LINGO2: variants seen among roughly 807,000 people sequenced by gnomAD.
The protein encoded by LINGO2 is leucine rich repeat and Ig domain containing 2, also known as leucine-rich repeat and immunoglobulin-like domain-containing nogo receptor-interacting protein 2.
In LINGO2, 14 loss-of-function variants were observed where a neutral mutation model predicts 30.6. The observed-to-expected ratio is 0.46, with a 90% CI of 0.30 to 0.72. The LOEUF (loss-of-function observed/expected upper bound fraction) is 0.72. Ranked by LOEUF, LINGO2 falls within the 30% of genes least tolerant of loss-of-function variation. LINGO2 has a pLI of 0.07. For missense variants in LINGO2, 729 were observed against 751.7 expected (o/e 0.97, Z 0.35); for synonymous variants, 317 against 288.5 (o/e 1.10, Z -1.00).
At chr9:28,122,750 C>G (rs1040259553) in intron 4 of LINGO2, among the ~76,000 whole-genome samples, 36 of 152,068 alleles carry the variant, frequency 2.4e-4, no homozygotes, top group African/African-American at 8.0e-4. Context: ...TCAAAAGAAC[C>G]ACAAGTTATG....
the LINGO2 span, among the ~76,000 whole-genome samples, chr9:29,202,082 G>C: frequency 1.3e-5 from 2 of 151,926 alleles, no homozygotes; most frequent in African/African-American, 2.4e-5. Flanking sequence ...TATTTAGTAA[G>C]AACTAGGTCC....
chr9:28,808,329 T>C, the LINGO2 span, among the ~76,000 whole-genome samples: 1 of 152,220 alleles, frequency 6.6e-6, no homozygotes, highest in Non-Finnish European at 1.5e-5. Flanking sequence ...CTGATTTCAT[T>C]GCCCTGAATT....
At chr9:29,179,573 T>A in the LINGO2 span, among the ~76,000 whole-genome samples, 2 of 151,940 alleles carry the variant, frequency 1.3e-5, no homozygotes, top group Non-Finnish European at 2.9e-5. Context: ...TCTGGCTAAA[T>A]TTTGTATTTT....
chr9:28,863,697 C>T, the LINGO2 span: 88 of 527,880 alleles, frequency 1.7e-4, 3 homozygotes, highest in Middle Eastern at 1.6e-3. Flanking sequence ...AAGAAATCCA[C>T]AGCACTTCAC....
chr9:29,200,230 A>ACT, the LINGO2 span, among the ~76,000 whole-genome samples: 1 of 152,028 alleles, frequency 6.6e-6, no homozygotes, highest in African/African-American at 2.4e-5. Flanking sequence ...ATCTGATTAG[A>ACT]CTCTGTAACA....
intron 4 of LINGO2, among the ~76,000 whole-genome samples, chr9:28,132,197 T>C (rs750250793): frequency 1.3e-5 from 2 of 152,220 alleles, no homozygotes; most frequent in African/African-American, 4.8e-5. Flanking sequence ...ATGTTCTATG[T>C]CGTCTATGTT....
chr9:28,889,161 G>T, the LINGO2 span, among the ~76,000 whole-genome samples: 1 of 152,070 alleles, frequency 6.6e-6, no homozygotes, highest in Non-Finnish European at 1.5e-5. Context: ...CATCCCTTAA[G>T]CAGGTCACTG....
At chr9:27,985,869 G>C (rs934337976) in intron 5 of LINGO2, among the ~76,000 whole-genome samples, 2 of 151,816 alleles carry the variant, frequency 1.3e-5, no homozygotes, top group African/African-American at 4.8e-5. Flanking sequence ...GTGAGAGGTT[G>C]ATGGTAAAAT....
the LINGO2 span, among the ~76,000 whole-genome samples, chr9:29,147,816 A>G: frequency 6.6e-6 from 1 of 152,114 alleles, no homozygotes; most frequent in Non-Finnish European, 1.5e-5. Flanking sequence ...TATTGAAACC[A>G]CTACAAATTA....
chr9:28,789,759 A>C, the LINGO2 span, among the ~76,000 whole-genome samples: 9 of 152,190 alleles, frequency 5.9e-5, no homozygotes, highest in African/African-American at 2.2e-4. Flanking sequence ...GAAAGCATCC[A>C]TGTTCCTTGA....
chr9:28,613,989 C>A (rs1826030047), intron 1 of LINGO2, among the ~76,000 whole-genome samples: 1 of 152,004 alleles, frequency 6.6e-6, no homozygotes, highest in Non-Finnish European at 1.5e-5. Context: ...TAAAATTATT[C>A]TCAGCTCATG....
intron 5 of LINGO2, among the ~76,000 whole-genome samples, chr9:28,003,254 A>G (rs137961105): frequency 1.4e-3 from 211 of 152,138 alleles, no homozygotes; most frequent in African/African-American, 4.9e-3. Flanking sequence ...CACTACAACA[A>G]CTGCTGTCAC....
intron 2 of LINGO2, among the ~76,000 whole-genome samples, chr9:28,401,382 T>C (rs565038061): frequency 5.7e-4 from 86 of 151,974 alleles, no homozygotes; most frequent in African/African-American, 2.1e-3. Context: ...TGAGAACATG[T>C]GGTGTTTGGT....
chr9:28,010,237 G>T (rs1822487095), intron 5 of LINGO2, among the ~76,000 whole-genome samples: 1 of 152,170 alleles, frequency 6.6e-6, no homozygotes, highest in South Asian at 2.1e-4. Flanking sequence ...CCTAACATGT[G>T]TATCTTAAAA....
intron 2 of LINGO2, among the ~76,000 whole-genome samples, chr9:28,410,502 A>G (rs1484492686): frequency 6.6e-6 from 1 of 152,134 alleles, no homozygotes; most frequent in Non-Finnish European, 1.5e-5. Context: ...GAACAATCAT[A>G]CAACAAAACA....
At chr9:28,217,416 C>CA (rs1564052299) in intron 4 of LINGO2, among the ~76,000 whole-genome samples, 2 of 150,784 alleles carry the variant, frequency 1.3e-5, no homozygotes, top group African/African-American at 2.4e-5. Flanking sequence ...TCAAGATTCA[C>CA]AAAAAAAAGA....
intron 2 of LINGO2, among the ~76,000 whole-genome samples, chr9:28,436,553 G>C (rs1823940604): frequency 6.6e-6 from 1 of 151,954 alleles, no homozygotes; most frequent in African/African-American, 2.4e-5. Flanking sequence ...CGCCTCCCGG[G>C]TTCACGCCAT....
intron 4 of LINGO2, among the ~76,000 whole-genome samples, chr9:28,195,701 C>T (rs1243516049): frequency 1.3e-5 from 2 of 151,286 alleles, no homozygotes; most frequent in African/African-American, 4.8e-5. Flanking sequence ...AAACATCTCC[C>T]CATTCCAATA....
chr9:28,467,040 G>GC (rs1414145156), intron 2 of LINGO2, among the ~76,000 whole-genome samples: 4 of 150,420 alleles, frequency 2.7e-5, no homozygotes, highest in Admixed American at 2.0e-4. Flanking sequence ...TTTTTTGGGG[G>GC]GGGGGGACGG....
Sources: gnomAD v4.1 joint callset for allele counts (sites outside exome capture counted in the v4.1 genomes callset) on GRCh38, gnomAD v4.1.1 for gene constraint, MANE v1.5 for transcripts, NCBI Gene and HGNC (gene_info 2026-07-23, HGNC 2026-07-21) for gene names.